The following TF variants were observed in gnomAD, a reference collection of about 807,000 sequenced individuals.
TF encodes transferrin.
TF carries 55 observed loss-of-function variants against 82.4 expected under a neutral mutation model. The ratio of observed to expected loss-of-function variants is 0.67; its 90% CI spans 0.54 to 0.84. The LOEUF is 0.84. TF is among the 40% of genes least tolerant of loss of function. The pLI is 0.00. For missense variants in TF, 737 were observed against 868.4 expected (o/e 0.85, Z 1.90); for synonymous variants, 332 against 332.6 (o/e 1.00, Z 0.02).
chr3:133,778,797 C>T lies in TF; in HGVS notation c.*177C>T, dbSNP rs962662532. On this transcript the variant is annotated 3_prime_UTR_variant, in exon 17 of 17. Transcript: ENST00000402696. ...TATTATTGATTTTATATTTCAAAAA[C>T]TCCATTCTTTCCTAAATATTTTCAA... 15 of 569,996 alleles carry T rather than the reference C, an allele frequency of 2.6e-5. No individual in the cohort carries two copies. Among genetic ancestry groups the T allele is most frequent in the Non-Finnish European group, 4.0e-5 (13 of 327,104 alleles). 35.3% of individuals were successfully genotyped at this position (569,996 alleles called of 1,614,324 possible). A position where few individuals can be genotyped will look rare whatever the true frequency, so the allele number is the denominator to read the frequency against.
Position 133,775,739 on chromosome 3 carries a change from G to A in TF, c.1872+122G>A, listed in dbSNP as rs1934373277. 7.1e-6 allele frequency: 7 copies of A among 988,374 alleles called. No homozygotes were observed. In the African/African-American group the frequency reaches 9.6e-5, roughly 14 times the overall value. 61.2% of individuals were successfully genotyped at this position (988,374 alleles called of 1,614,324 possible). A position where few individuals can be genotyped will look rare whatever the true frequency, so the allele number is the denominator to read the frequency against. The stretch of plus-strand genomic sequence containing the variant: ...TTCTTTTTGAAAACTAGAATTCCAT[G>A]CATTGTGCATTTCATGCCATGCATT... On this transcript the variant is annotated intron_variant, in intron 15 of 16. Coordinates refer to ENST00000402696, the MANE Select transcript of TF (RefSeq NM_001063.4).
chr3:133,676,621 G>A, the TF span, among the ~76,000 whole-genome samples: 1 of 152,238 alleles, frequency 6.6e-6, no homozygotes, highest in Non-Finnish European at 1.5e-5. Flanking sequence ...ATGCTGTGGT[G>A]GCCCCTCCCT....
At chr3:133,725,212 T>C in the TF span, among the ~76,000 whole-genome samples, 1 of 152,238 alleles carries the variant, frequency 6.6e-6, no homozygotes, top group Admixed American at 6.5e-5. Context: ...GGTAGCTTGA[T>C]GGGGATGGCA....
the TF span, among the ~76,000 whole-genome samples, chr3:133,669,063 C>T: frequency 1.9e-3 from 290 of 152,084 alleles, no homozygotes; most frequent in African/African-American, 6.5e-3. Context: ...TGCAATGGCG[C>T]GATCTCAGTT....
Position 133,781,636 on chromosome 3 carries a change from ACTAATCC to A in TF, c.*3017_*3023del, listed in dbSNP as rs1453051049. 1 of 152,150 alleles carries A rather than the reference ACTAATCC, an allele frequency of 6.6e-6. No individual in the cohort carries two copies. Among genetic ancestry groups the A allele is most frequent in the Non-Finnish European group, 1.5e-5 (1 of 68,028 alleles). The allele number at this position is 152,150 out of a possible 1,614,324, so 9.4% of individuals were successfully genotyped here. Reference sequence around the variant, plus strand: ...CAATTTTTTAACTTGACAAAATGATACTAATCCTCAACTAAAAAACAAAAGTGAGACA... The same window carrying A: ...CAATTTTTTAACTTGACAAAATGATATCAACTAAAAAACAAAAGTGAGACA... On this transcript the variant is annotated 3_prime_UTR_variant, in exon 17 of 17. Transcript: ENST00000402696.
the TF span, among the ~76,000 whole-genome samples, chr3:133,674,139 A>G: frequency 6.6e-6 from 1 of 152,236 alleles, no homozygotes; most frequent in Non-Finnish European, 1.5e-5. Context: ...TTCCAGGGGA[A>G]GAGCCCACGG....
In TF at chr3:133,763,318, G is replaced by A. The variant is rs939663207; in HGVS notation, c.1204-864G>A. Among the ~76,000 whole-genome samples the A allele has an allele frequency of 3.9e-5, 6 of 152,190 alleles. No individual in the cohort carries two copies. The South Asian group carries it at 1.0e-3, about 26-fold the overall frequency. Reference sequence around the variant, plus strand: ...GCTTATGAATCAAATCATTATTGAGGATAATATTTGCTGATGTGTAATTAC... The same window carrying A: ...GCTTATGAATCAAATCATTATTGAGAATAATATTTGCTGATGTGTAATTAC... On this transcript the variant is annotated intron_variant, in intron 9 of 16. Transcript: ENST00000402696.
At chr3:133,721,873 G>GT in the TF span, among the ~76,000 whole-genome samples, 1 of 151,960 alleles carries the variant, frequency 6.6e-6, no homozygotes, top group Non-Finnish European at 1.5e-5. Context: ...TTTATAGGTT[G>GT]TTTTTGTTGT....
chr3:133,746,083 C>T (rs944690123), upstream of TF: 1 of 430,502 alleles, frequency 2.3e-6, no homozygotes, highest in Non-Finnish European at 4.4e-6. Context: ...CTCTGCAGCC[C>T]TGGAGTCAGG....
the TF span, among the ~76,000 whole-genome samples, chr3:133,716,429 AAATGTC>A: frequency 1.7e-4 from 26 of 152,248 alleles, no homozygotes; most frequent in African/African-American, 6.3e-4. Flanking sequence ...ATTTTGGAAA[AAATGTC>A]AATACCTTGC....
upstream of TF, among the ~76,000 whole-genome samples, chr3:133,744,512 A>G (rs564406450): frequency 6.6e-6 from 1 of 152,196 alleles, no homozygotes; most frequent in Non-Finnish European, 1.5e-5. Context: ...AAGGTCTCCA[A>G]ATGAATCCAG....
At chr3:133,775,015 C>A in intron 14 of TF, 1 of 330,332 alleles carries the variant, frequency 3.0e-6, no homozygotes. Context: ...CAAAGGTGTT[C>A]TCTGAGGAAA....
the TF span, among the ~76,000 whole-genome samples, chr3:133,723,179 T>C: frequency 6.6e-6 from 1 of 152,206 alleles, no homozygotes. Flanking sequence ...ATGTGACTTG[T>C]CACTCTTCTC....
the TF span, among the ~76,000 whole-genome samples, chr3:133,668,017 C>CTG: frequency 6.6e-6 from 1 of 152,224 alleles, no homozygotes; most frequent in Non-Finnish European, 1.5e-5. Flanking sequence ...TTATTCTTCT[C>CTG]TGTTGCTATC....
At chr3:133,679,093 G>A in the TF span, among the ~76,000 whole-genome samples, 13 of 152,144 alleles carry the variant, frequency 8.5e-5, no homozygotes, top group East Asian at 7.7e-4. Context: ...GGCTGGTCTC[G>A]ATCTCCTGAC....
chr3:133,674,765 G>A, the TF span, among the ~76,000 whole-genome samples: 3 of 152,198 alleles, frequency 2.0e-5, no homozygotes, highest in Non-Finnish European at 4.4e-5. Flanking sequence ...CAGTCAGCGG[G>A]CCTGCGGGGC....
the TF span, among the ~76,000 whole-genome samples, chr3:133,684,857 G>A: frequency 2.0e-5 from 3 of 152,126 alleles, no homozygotes; most frequent in South Asian, 6.2e-4. Context: ...TATTTTATGA[G>A]GCCAGCATCA....
At chr3:133,663,140 C>T in the TF span, among the ~76,000 whole-genome samples, 1 of 152,104 alleles carries the variant, frequency 6.6e-6, no homozygotes, top group Admixed American at 6.6e-5. Context: ...GCAAGAAACC[C>T]CTTTACTCCT....
chr3:133,776,105 T>C (rs1934382574), intron 15 of TF, among the ~76,000 whole-genome samples: 1 of 152,198 alleles, frequency 6.6e-6, no homozygotes, highest in Admixed American at 6.5e-5. Flanking sequence ...CTGCTCCCCC[T>C]AACCTTGTTC....
Sources: allele counts gnomAD v4.1 joint callset (sites outside exome capture counted in the v4.1 genomes callset), GRCh38; gene constraint gnomAD v4.1.1; transcripts MANE v1.5; gene names NCBI Gene and HGNC (gene_info 2026-07-23, HGNC 2026-07-21).